Variants in DNAH7 observed in about 807,000 individuals in gnomAD.
DNAH7 encodes the protein dynein axonemal heavy chain 7, also known as axonemal beta dynein heavy chain 7.
A neutral mutation model predicts 444.6 loss-of-function variants in DNAH7; 397 were observed. The ratio of observed to expected loss-of-function variants is 0.89; its 90% CI spans 0.82 to 0.97. The LOEUF is 0.97. Ranked by LOEUF, DNAH7 falls within the 50% of genes least tolerant of loss-of-function variation. The probability of loss-of-function intolerance (pLI) is 0.00; values close to 1 mark genes in which losing one functional copy is unlikely to be tolerated. For missense variants in DNAH7, 4,902 were observed against 4,800.8 expected (o/e 1.02, Z -0.62); for synonymous variants, 1,636 against 1,624.4 (o/e 1.01, Z -0.17).
At chr2:195,933,010 G>T (rs1013476564) in intron 21 of DNAH7, among the ~76,000 whole-genome samples, 1 of 152,112 alleles carries the variant, frequency 6.6e-6, no homozygotes, top group Non-Finnish European at 1.5e-5. Context: ...GCTCCTCCTT[G>T]TACCTCTGGT....
In DNAH7 at chr2:195,816,710, A is replaced by G. The variant is rs1251883466; in HGVS notation, c.9679T>C (p.Tyr3227His). 1.2e-6 allele frequency: 2 copies of G among 1,614,068 alleles called. No homozygotes were observed. The highest frequency in any genetic ancestry group is 1.7e-6 in the Non-Finnish European group (2 of 1,180,018). ...ATAAACCAGGTCAGTGAATACTGGT[A>G]CATGGGCTCAATGTTGGCTAAATCA... ...LADLANIEPMYQYSLTWFINL... is the reference protein window; with the variant it reads ...LADLANIEPMHQYSLTWFINL... The change falls in exon 51 of 65, where the codon TAC becomes CAC. Residue 3227 changes from tyrosine to histidine, a missense_variant. By Grantham distance (83) the Tyr-to-His change is moderately conservative. Coordinates refer to ENST00000312428, the MANE Select transcript of DNAH7 (RefSeq NM_018897.3).
At chr2:195,832,760 T>C (rs1005953813) in intron 48 of DNAH7, among the ~76,000 whole-genome samples, 21 of 152,148 alleles carry the variant, frequency 1.4e-4, no homozygotes, top group African/African-American at 4.6e-4. Flanking sequence ...GTATTTAAGG[T>C]GCCAGTTCCT....
chr2:195,845,773 C>A (rs930832409), intron 46 of DNAH7, among the ~76,000 whole-genome samples: 2 of 152,112 alleles, frequency 1.3e-5, no homozygotes, highest in African/African-American at 4.8e-5. Flanking sequence ...ACTCCCTATT[C>A]AATAAATGGT....
chr2:195,973,904 G>A lies in DNAH7; in HGVS notation c.1834-1438C>T, dbSNP rs555654937. Among the ~76,000 whole-genome samples, 75 of 152,050 alleles carry A rather than the reference G, an allele frequency of 4.9e-4. 2 individuals carry two copies. The South Asian group carries it at 7.3e-3, about 15-fold the overall frequency. ...AGAGTTCAAAACATGGTGAAACCCC[G>A]TCTCTACTAAAAATATATAAATAAT... On this transcript the variant is annotated intron_variant, in intron 15 of 64. Transcript: ENST00000312428.
chr2:195,934,831 A>G (rs772066036), intron 20 of DNAH7, 42 bp from the exon 21 acceptor site: 2 of 1,594,294 alleles, frequency 1.3e-6, no homozygotes, highest in African/African-American at 2.7e-5. Flanking sequence ...CCAAGTTAAA[A>G]CAATTCTTTA....
chr2:195,984,585 ATAAT>A, intron 15 of DNAH7, 43 bp downstream of exon 15: 4 of 1,517,090 alleles, frequency 2.6e-6, no homozygotes, highest in Non-Finnish European at 3.7e-6. Flanking sequence ...TATTGTGTCA[ATAAT>A]TAATTGATAC....
At chr2:196,015,680 T>C (rs1464380637) in intron 9 of DNAH7, among the ~76,000 whole-genome samples, 1 of 152,220 alleles carries the variant, frequency 6.6e-6, no homozygotes, top group Non-Finnish European at 1.5e-5. Context: ...TCCAAACTCA[T>C]GCATTTTAGA....
chr2:196,007,809 T>C (rs1694475278), intron 10 of DNAH7, among the ~76,000 whole-genome samples: 1 of 152,182 alleles, frequency 6.6e-6, no homozygotes, highest in Non-Finnish European at 1.5e-5. Context: ...TGTGGAACTG[T>C]GAGCCAATTC....
chr2:196,004,869 G>A (rs546952671), intron 10 of DNAH7, among the ~76,000 whole-genome samples: 6 of 151,652 alleles, frequency 4.0e-5, no homozygotes, highest in African/African-American at 1.5e-4. Flanking sequence ...GCTGAGGTGG[G>A]AGGATGGCTT....
chr2:195,750,045 C>T (rs574506108), intron 63 of DNAH7, among the ~76,000 whole-genome samples: 30 of 152,180 alleles, frequency 2.0e-4, no homozygotes, highest in African/African-American at 7.0e-4. Context: ...TGGACCAACA[C>T]TGTGGTAGTC....
intron 9 of DNAH7, among the ~76,000 whole-genome samples, chr2:196,014,808 C>T (rs1249727025): frequency 6.6e-6 from 1 of 152,088 alleles, no homozygotes; most frequent in African/African-American, 2.4e-5. Flanking sequence ...TTTTTTGTAA[C>T]TTTCAAAGTA....
intron 48 of DNAH7, among the ~76,000 whole-genome samples, chr2:195,831,335 T>G (rs1440678902): frequency 6.6e-6 from 1 of 152,194 alleles, no homozygotes; most frequent in African/African-American, 2.4e-5. Flanking sequence ...AAAAGAAAAG[T>G]GAGACCTGCT....
intron 48 of DNAH7, among the ~76,000 whole-genome samples, chr2:195,828,129 C>A (rs144319656): frequency 1.3e-5 from 2 of 152,208 alleles, no homozygotes; most frequent in African/African-American, 4.8e-5. Flanking sequence ...GAGATAAGAA[C>A]TGTTTAAAAA....
intron 7 of DNAH7, among the ~76,000 whole-genome samples, chr2:196,025,073 T>C (rs1695600911): frequency 6.6e-6 from 1 of 152,234 alleles, no homozygotes; most frequent in African/African-American, 2.4e-5. Flanking sequence ...ATTTAAAGTA[T>C]ACGGGAGGAT....
Position 195,900,346 on chromosome 2 carries a change from T to A in DNAH7, c.4484A>T (p.Gln1495Leu). 3.1e-6 allele frequency: 5 copies of A among 1,614,016 alleles called. No individual in the cohort carries two copies. The highest frequency in any genetic ancestry group is 4.2e-6 in the Non-Finnish European group (5 of 1,179,938). Residue 1495 changes from glutamine to leucine, a missense_variant, in exon 28 of 65, where the codon CAA (glutamine) becomes CTA (leucine). Transcript: ENST00000312428. ...YRLCSEQLSS[Q>L]HHYDYGMRAV... ...TCTCATTCCATAGTCGTAGTGATGT[T>A]GAGATGACAGCTGCTCTGAACACAA...
At chr2:195,815,994 A>G (rs1697200405) in intron 51 of DNAH7, among the ~76,000 whole-genome samples, 1 of 152,186 alleles carries the variant, frequency 6.6e-6, no homozygotes, top group Admixed American at 6.5e-5. Context: ...TCCGTCTCAA[A>G]ACAAAACAAA....
intron 44 of DNAH7, among the ~76,000 whole-genome samples, chr2:195,856,634 T>C (rs924235306): frequency 3.3e-5 from 5 of 152,164 alleles, no homozygotes; most frequent in Non-Finnish European, 7.4e-5. Context: ...AAAATAATAA[T>C]TACCCTGTTT....
At chr2:195,897,863 C>A (rs1035748762) in intron 28 of DNAH7, 98 bp from the exon 29 acceptor site, 25 of 553,284 alleles carry the variant, frequency 4.5e-5, no homozygotes, top group Non-Finnish European at 6.0e-5. Flanking sequence ...GACCCTGTAA[C>A]TCAGTTTAAA....
At chr2:196,008,518 T>C (rs572486899) in intron 10 of DNAH7, among the ~76,000 whole-genome samples, 2 of 152,308 alleles carry the variant, frequency 1.3e-5, no homozygotes, top group Admixed American at 6.5e-5. Flanking sequence ...CAAATGTCCA[T>C]TACCTGATGA....
Sources: gnomAD v4.1 joint callset for allele counts (sites outside exome capture counted in the v4.1 genomes callset) on GRCh38, gnomAD v4.1.1 for gene constraint, MANE v1.5 for transcripts, NCBI Gene and HGNC (gene_info 2026-07-23, HGNC 2026-07-21) for gene names.